IDI2: variants seen among roughly 807,000 people sequenced by gnomAD.
IDI2 encodes isopentenyl-diphosphate delta isomerase 2.
Under a neutral mutation model 14.8 loss-of-function variants are expected in IDI2, and 18 were observed. The observed-to-expected ratio is 1.22, with a 90% CI of 0.84 to 1.80. IDI2 has a LOEUF of 1.80. IDI2 is among the 40% of genes most tolerant of loss of function. IDI2 has a pLI of 0.00. For synonymous variants in IDI2, 133 were observed against 109.6 expected (o/e 1.21, Z -1.33); for missense variants, 316 against 283.2 (o/e 1.12, Z -0.83).
At position 1,023,193 on chromosome 10, in the gene IDI2, G is replaced by A. The variant is rs964283000; in HGVS notation, c.143-418C>T. 2.0e-5 allele frequency among the ~76,000 whole-genome samples: 3 copies of A among 152,054 alleles called. 1 individual carries two copies. The South Asian group carries it at 6.2e-4, about 32-fold the overall frequency. On this transcript the variant is annotated intron_variant, in intron 2 of 4. Coordinates refer to ENST00000277517, the MANE Select transcript of IDI2 (RefSeq NM_033261.3). ...TCCACCACAAAAGAAGAATGAAATCGGGCCGGGTGCGGTGGCTCACGCCTG... is the reference window on the plus strand; with the variant it reads ...TCCACCACAAAAGAAGAATGAAATCAGGCCGGGTGCGGTGGCTCACGCCTG...
chr10:1,020,075 G>C, intron 4 of IDI2: 1 of 555,690 alleles, frequency 1.8e-6, no homozygotes, highest in South Asian at 2.1e-5. Context: ...AGAACTAACC[G>C]TGTCACACAC....
intron 3 of IDI2, 150 bp from the exon 4 acceptor site, chr10:1,021,047 C>T (rs1377636548): frequency 9.9e-6 from 8 of 805,254 alleles, no homozygotes; most frequent in Non-Finnish European, 1.5e-5. Flanking sequence ...GCTCTCAGAG[C>T]AGCACTCGCC....
chr10:1,024,742 G>T lies in IDI2; in HGVS notation c.-19C>A. On this transcript the variant is annotated splice_region_variant and 5_prime_UTR_variant, in exon 2 of 5. Transcript: ENST00000277517. ...CAGACATAGCTGCTGGCTGTGACCC[G>T]ACCTGAAATAGATGCACACAAATGC... 1 of 1,613,480 alleles carries T rather than the reference G, an allele frequency of 6.2e-7. No homozygotes were observed. The highest frequency in any genetic ancestry group is 8.5e-7 in the Non-Finnish European group (1 of 1,179,850).
Position 1,019,393 on chromosome 10 carries a change from TATACATG to T in IDI2, c.*117_*123del. 1.5e-6 allele frequency: 1 copy of T among 654,730 alleles called. No individual in the cohort carries two copies. Among genetic ancestry groups the T allele is most frequent in the East Asian group, 2.8e-5 (1 of 36,274 alleles). The allele number at this position is 654,730 out of a possible 1,614,324, so 40.6% of individuals were successfully genotyped here. A position where few individuals can be genotyped will look rare whatever the true frequency, so the allele number is the denominator to read the frequency against. On this transcript the variant is annotated 3_prime_UTR_variant, in exon 5 of 5. Transcript: ENST00000277517. ...TGATGAAAAGGTTGAAATAGTGATT[TATACATG>T]ATGGGCAATCAAGTGCCCCTTTTGC...
At chr10:1,022,810 C>T (rs1832134951) in intron 2 of IDI2, 35 bp from the exon 3 acceptor site, 1 of 1,462,258 alleles carries the variant, frequency 6.8e-7, no homozygotes, top group Non-Finnish European at 9.6e-7. Context: ...TGAGTGCATG[C>T]CTGGAGTCTG....
At chr10:1,024,411 C>T (rs570479544) in intron 2 of IDI2, among the ~76,000 whole-genome samples, 171 bp downstream of exon 2, 6 of 152,308 alleles carry the variant, frequency 3.9e-5, no homozygotes, top group East Asian at 1.9e-4. Context: ...CAAGCAAAGA[C>T]GTCATCCAGG....
intron 4 of IDI2, 52 bp downstream of exon 4, chr10:1,020,715 G>T (rs1832077230): frequency 1.3e-6 from 2 of 1,535,910 alleles, no homozygotes; most frequent in South Asian, 1.3e-5. Flanking sequence ...CCGTCTGCCC[G>T]CTGCCAACCT....
chr10:1,019,598 G>T lies in IDI2; in HGVS notation c.603C>A (p.Ala201=), dbSNP rs41299208. ...VKVTPWLRTI[A]ERFLYRWWPH... ...GCCACCACCGGTACAGAAACCTCTC[G>T]GCAATGGTTCTTAGCCAGGGGGTGA... Residue 201 remains alanine, a synonymous_variant, in exon 5 of 5, where the codon GCC becomes GCA. Coordinates refer to ENST00000277517, the MANE Select transcript of IDI2 (RefSeq NM_033261.3). 5.1e-4 allele frequency: 817 copies of T among 1,613,970 alleles called. 4 individuals are homozygous for T. The African/African-American group carries it at 0.01, about 20-fold the overall frequency.
At chr10:1,022,999 A>G (rs147802569) in intron 2 of IDI2, among the ~76,000 whole-genome samples, 1 of 152,310 alleles carries the variant, frequency 6.6e-6, no homozygotes, top group East Asian at 1.9e-4. Flanking sequence ...CAGAAATCCC[A>G]CTACCAGGGC....
At position 1,022,781 on chromosome 10, in the gene IDI2, A is replaced by C; in HGVS notation, c.143-6T>G. The C allele has an allele frequency of 1.2e-6, 2 of 1,610,546 alleles. No homozygotes were observed. Among genetic ancestry groups the C allele is most frequent in the East Asian group, 4.5e-5 (2 of 44,864 alleles). On this transcript the variant is annotated splice_region_variant and splice_polypyrimidine_tract_variant and intron_variant, in intron 2 of 4. Transcript: ENST00000277517. ...GAAGGCTCGGTGCAGCAGCCCTGCA[A>C]AGGTAAGTGCCATTTGTGTGAGTGC...
At position 1,019,703 on chromosome 10, in the gene IDI2, A is replaced by T. The variant is rs748896256; in HGVS notation, c.498T>A (p.Ser166Arg). 2 of 1,613,798 alleles carry T rather than the reference A, an allele frequency of 1.2e-6. No individual in the cohort carries two copies. Among genetic ancestry groups the T allele is most frequent in the South Asian group, 2.2e-5 (2 of 91,074 alleles). The change falls in exon 5 of 5, where the codon AGT becomes AGA. Residue 166 changes from serine (S) to arginine (R), a missense_variant. Transcript: ENST00000277517. ...RKNVTLNPDP[S>R]ETKSILYLSQ... ...ACAGGTAGAGGATGCTTTTCGTTTCACTGGGATCCGGGTTCAGAGTGACGT... is the reference window on the plus strand; with the variant it reads ...ACAGGTAGAGGATGCTTTTCGTTTCTCTGGGATCCGGGTTCAGAGTGACGT...
Position 1,020,182 on chromosome 10 carries a change from A to G in IDI2, c.367-348T>C, listed in dbSNP as rs148066585. Among the ~76,000 whole-genome samples the G allele has an allele frequency of 2.1e-3, 321 of 151,752 alleles. 1 individual carries two copies. Among genetic ancestry groups the G allele is most frequent in the African/African-American group, 7.1e-3 (293 of 41,382 alleles). Reference sequence around the variant, plus strand: ...GTTCTTGAGTGGATGAAGGTAACACATGCTCACAGGATCCTGGACATTCTT... The same window carrying G: ...GTTCTTGAGTGGATGAAGGTAACACGTGCTCACAGGATCCTGGACATTCTT... On this transcript the variant is annotated intron_variant, in intron 4 of 4. Transcript: ENST00000277517.
In IDI2 at chr10:1,024,674, A is replaced by T. The variant is rs762971115; in HGVS notation, c.50T>A (p.Leu17Ter). 6.2e-7 allele frequency: 1 copy of T among 1,614,148 alleles called. No individual in the cohort carries two copies. The highest frequency in any genetic ancestry group is 2.2e-5 in the East Asian group (1 of 44,888). ...DWVDRRQLQR[L>*]EEMLIVVDEN... The stretch of plus-strand genomic sequence containing the variant: ...ATCCACAACAATCAGCATTTCCTCC[A>T]AGCGCTGCAACTGACGCCTGTCAAC... The change falls in exon 2 of 5, where the codon TTG (leucine) becomes TAG (stop). Residue 17 changes from leucine to a stop codon, truncating the protein, a stop_gained. Coordinates refer to ENST00000277517, the MANE Select transcript of IDI2 (RefSeq NM_033261.3). LOFTEE classifies it high-confidence loss of function.
At chr10:1,024,905 C>T (rs900232056) in intron 1 of IDI2, among the ~76,000 whole-genome samples, 161 bp from the exon 2 acceptor site, 6 of 152,082 alleles carry the variant, frequency 3.9e-5, no homozygotes, top group Non-Finnish European at 7.4e-5. Context: ...GGTGAATCAT[C>T]TGTTTCTAAT....
chr10:1,019,256 AG>A lies in IDI2; in HGVS notation c.*260del, dbSNP rs1832045279. The A allele has an allele frequency of 2.7e-6, 1 of 373,026 alleles. No individual in the cohort carries two copies. Among genetic ancestry groups the A allele is most frequent in the Non-Finnish European group, 4.8e-6 (1 of 206,942 alleles). The allele number at this position is 373,026 out of a possible 1,614,324, so 23.1% of individuals were successfully genotyped here. On this transcript the variant is annotated 3_prime_UTR_variant, in exon 5 of 5. Transcript: ENST00000277517. ...AGGATCAGCTGCTGTTAATCAAACAAGTGCTTATAAAATGGAAATTGGGACA... is the reference window on the plus strand; with the variant it reads ...AGGATCAGCTGCTGTTAATCAAACAATGCTTATAAAATGGAAATTGGGACA...
At chr10:1,025,541 CAAA>C (rs34925490) in intron 1 of IDI2, among the ~76,000 whole-genome samples, 15 of 103,798 alleles carry the variant, frequency 1.4e-4, no homozygotes, top group Admixed American at 2.1e-4. Flanking sequence ...GACTCTGTCT[CAAA>C]AAAAAAAAAA....
chr10:1,025,026 A>G (rs1490010312), intron 1 of IDI2, among the ~76,000 whole-genome samples: 1,012 of 30,550 alleles, frequency 0.033, 10 homozygotes, highest in African/African-American at 0.099. Flanking sequence ...ACACACACAC[A>G]CACACACACA....
In IDI2 at chr10:1,024,612, T is replaced by C. The variant is rs764528969; in HGVS notation, c.112A>G (p.Asn38Asp). The change falls in exon 2 of 5, where the codon AAT (asparagine) becomes GAT (aspartate). Residue 38 changes from asparagine to aspartate, a missense_variant. Asn to Asp is a conservative substitution (Grantham distance 23). Coordinates refer to ENST00000277517, the MANE Select transcript of IDI2 (RefSeq NM_033261.3). Reference protein sequence around the residue: ...DKVIGADTKRNCHLNENIEKG... With the variant: ...DKVIGADTKRDCHLNENIEKG... ...TCAATGTTTTCGTTCAGATGGCAAT[T>C]CCTCTTGGTGTCGGCACCAATAACC... is the stretch of plus-strand genomic sequence containing the variant. 2 of 1,613,986 alleles carry C rather than the reference T, an allele frequency of 1.2e-6. No individual in the cohort carries two copies. The highest frequency in any genetic ancestry group is 3.3e-5 in the Admixed American group (2 of 60,004).
chr10:1,024,818 C>A, intron 1 of IDI2, 74 bp from the exon 2 acceptor site: 2 of 1,442,872 alleles, frequency 1.4e-6, no homozygotes, highest in South Asian at 2.5e-5. Flanking sequence ...TGTTACCAAC[C>A]ACATTAGGAT....
Sources: gnomAD v4.1 joint callset for allele counts (sites outside exome capture counted in the v4.1 genomes callset) on GRCh38, gnomAD v4.1.1 for gene constraint, MANE v1.5 for transcripts, NCBI Gene and HGNC (gene_info 2026-07-23, HGNC 2026-07-21) for gene names.